ERGIC1: variants seen among roughly 807,000 people sequenced by gnomAD.
The protein encoded by ERGIC1 is endoplasmic reticulum-golgi intermediate compartment 1, also known as endoplasmic reticulum-Golgi intermediate compartment protein 1.
In ERGIC1, 19 loss-of-function variants were observed where a neutral mutation model predicts 38.3. The ratio of observed to expected loss-of-function variants is 0.50; its 90% CI spans 0.35 to 0.73. ERGIC1 has a LOEUF of 0.73. Ranked by LOEUF, ERGIC1 falls within the 30% of genes least tolerant of loss-of-function variation. ERGIC1 has a pLI of 0.01. For missense variants in ERGIC1, 294 were observed against 389.2 expected, an observed-to-expected ratio of 0.76 and a Z score of 2.06; for synonymous variants, 124 against 157.6, an observed-to-expected ratio of 0.79 and a Z score of 1.60.
intron 1 of ERGIC1, among the ~76,000 whole-genome samples, chr5:172,873,532 G>A (rs1323785218): frequency 1.3e-5 from 2 of 152,320 alleles, no homozygotes; most frequent in East Asian, 3.9e-4. Flanking sequence ...CAGTGCCACG[G>A]CCTGCTGTCA....
At chr5:172,903,045 C>T (rs1315753494) in intron 3 of ERGIC1, among the ~76,000 whole-genome samples, 2 of 151,954 alleles carry the variant, frequency 1.3e-5, no homozygotes, top group African/African-American at 4.8e-5. Flanking sequence ...CCCCCACCCT[C>T]CCACGCACTC....
intron 1 of ERGIC1, among the ~76,000 whole-genome samples, chr5:172,858,717 G>C (rs1009670568): frequency 6.6e-5 from 10 of 152,180 alleles, no homozygotes; most frequent in East Asian, 3.9e-4. Context: ...TCATCATCTC[G>C]GCTGACCTTA....
At chr5:172,919,220 G>A (rs1036898349) in intron 5 of ERGIC1, among the ~76,000 whole-genome samples, 1 of 152,178 alleles carries the variant, frequency 6.6e-6, no homozygotes, top group African/African-American at 2.4e-5. Context: ...GGAGAATGAA[G>A]GAGGAGACCC....
Position 172,914,249 on chromosome 5 carries a change from A to ATAAAT in ERGIC1, c.251-465_251-464insTAAAT, listed in dbSNP as rs1386612871. The stretch of plus-strand genomic sequence containing the variant: ...GACTCTGTCTCAAAAAAAAAAAAAA[A>ATAAAT]AAAAAAAATACAAAGACTATCTGAG... On this transcript the variant is annotated intron_variant, in intron 4 of 9. Coordinates refer to ENST00000393784, the MANE Select transcript of ERGIC1 (RefSeq NM_001031711.3). Among the ~76,000 whole-genome samples the ATAAAT allele has an allele frequency of 5.8e-5, 8 of 138,832 alleles. No homozygotes were observed. In the East Asian group the frequency reaches 7.9e-4, roughly 14 times the overall value. The allele number at this position is 138,832 out of a possible 152,430, so 91.1% of individuals were successfully genotyped here.
chr5:172,914,242 A>T (rs1181564126), intron 4 of ERGIC1, among the ~76,000 whole-genome samples: 1 of 68,372 alleles, frequency 1.5e-5, no homozygotes, highest in Non-Finnish European at 3.2e-5. Context: ...CTCAAAAAAA[A>T]AAAAAAAAAA....
intron 3 of ERGIC1, among the ~76,000 whole-genome samples, chr5:172,903,573 G>T (rs1044424349): frequency 6.6e-6 from 1 of 152,130 alleles, no homozygotes; most frequent in African/African-American, 2.4e-5. Context: ...GACGTGAAGG[G>T]AGAATAGTAC....
chr5:172,939,050 G>A (rs1436709227), intron 9 of ERGIC1, among the ~76,000 whole-genome samples: 1 of 151,770 alleles, frequency 6.6e-6, no homozygotes, highest in African/African-American at 2.4e-5. Context: ...GCGATAGAGT[G>A]AGACTCCATC....
In ERGIC1 at chr5:172,891,524, T is replaced by C. The variant is rs566312169; in HGVS notation, c.82+2764T>C. Among the ~76,000 whole-genome samples, 9 of 151,818 alleles carry C rather than the reference T, an allele frequency of 5.9e-5. No individual in the cohort carries two copies. The East Asian group carries it at 1.7e-3, about 29-fold the overall frequency. Reference sequence around the variant, plus strand: ...TGGGATCTCGGTTCACTGCAACTTCTGCCTCCCGGGTTCAAGCAATTCTTG... The same window carrying C: ...TGGGATCTCGGTTCACTGCAACTTCCGCCTCCCGGGTTCAAGCAATTCTTG... On this transcript the variant is annotated intron_variant, in intron 2 of 9. Transcript: ENST00000393784.
chr5:172,885,679 G>T (rs1762399337), intron 1 of ERGIC1, among the ~76,000 whole-genome samples: 1 of 152,062 alleles, frequency 6.6e-6, no homozygotes, highest in African/African-American at 2.4e-5. Flanking sequence ...GTGGAGTGAG[G>T]ACGAGACCCC....
intron 9 of ERGIC1, among the ~76,000 whole-genome samples, chr5:172,946,179 G>A (rs1294692101): frequency 6.6e-6 from 1 of 152,160 alleles, no homozygotes; most frequent in Non-Finnish European, 1.5e-5. Context: ...ACACCTCCCA[G>A]CCCCAGCTTT....
At chr5:172,839,419 C>T (rs911627164) in intron 1 of ERGIC1, among the ~76,000 whole-genome samples, 3 of 151,346 alleles carry the variant, frequency 2.0e-5, no homozygotes, top group African/African-American at 7.3e-5. Flanking sequence ...AAAAAAATGG[C>T]CAGGTGTGGT....
At chr5:172,867,576 G>C (rs949892538) in intron 1 of ERGIC1, 7 of 422,976 alleles carry the variant, frequency 1.7e-5, no homozygotes, top group Admixed American at 1.3e-4. Flanking sequence ...CTCCACCCCC[G>C]AGTCCTAGCC....
chr5:172,950,138 C>T (rs1049965801), intron 9 of ERGIC1, among the ~76,000 whole-genome samples: 2 of 152,234 alleles, frequency 1.3e-5, no homozygotes, highest in Non-Finnish European at 2.9e-5. Flanking sequence ...CTTTGTAGCA[C>T]TTGCCTTGGC....
chr5:172,926,812 G>A lies in ERGIC1; in HGVS notation c.541+243G>A, dbSNP rs1197594218. 1 of 550,312 alleles carries A rather than the reference G, an allele frequency of 1.8e-6. No homozygotes were observed. The highest frequency in any genetic ancestry group is 3.0e-5 in the East Asian group (1 of 33,312). 34.1% of individuals were successfully genotyped at this position (550,312 alleles called of 1,614,324 possible). A position where few individuals can be genotyped will look rare whatever the true frequency, so the allele number is the denominator to read the frequency against. ...GCACAGCAGACGCACGCACGCAGTG[G>A]ATACCAGCTATTACCATTATTGTTG... is the stretch of plus-strand genomic sequence containing the variant. On this transcript the variant is annotated intron_variant, in intron 7 of 9. Transcript: ENST00000393784. This position sits in a 1 kb window ranked among gnomAD's most constrained non-coding sequence, Gnocchi z 5.2.
intron 1 of ERGIC1, among the ~76,000 whole-genome samples, chr5:172,848,689 G>A (rs57860164): frequency 4.6e-5 from 7 of 152,308 alleles, no homozygotes; most frequent in African/African-American, 1.7e-4. Flanking sequence ...ACTGTGGGTG[G>A]TCAGTAAATA....
At chr5:172,935,829 G>A (rs1369483127) in intron 9 of ERGIC1, 1 of 157,694 alleles carries the variant, frequency 6.3e-6, no homozygotes. Flanking sequence ...GCTGATGTTA[G>A]TTTTCCTTTA....
intron 2 of ERGIC1, among the ~76,000 whole-genome samples, chr5:172,893,300 A>G (rs1395705865): frequency 6.6e-6 from 1 of 152,006 alleles, no homozygotes; most frequent in Non-Finnish European, 1.5e-5. Context: ...GGCGCCTGCC[A>G]CCGCACCTGG....
At chr5:172,919,415 G>A (rs1581575140) in intron 5 of ERGIC1, among the ~76,000 whole-genome samples, 1 of 152,172 alleles carries the variant, frequency 6.6e-6, no homozygotes, top group Non-Finnish European at 1.5e-5. Flanking sequence ...AGCACCTGGA[G>A]TGACAACCCA....
chr5:172,908,318 GAGAGA>G lies in ERGIC1; in HGVS notation c.156-1348_156-1344del, dbSNP rs1561729646. Among the ~76,000 whole-genome samples, 9 of 7,326 alleles carry G rather than the reference GAGAGA, an allele frequency of 1.2e-3. 1 individual carries two copies. The highest frequency in any genetic ancestry group is 1.5e-3 in the African/African-American group (2 of 1,340). 4.8% of individuals were successfully genotyped at this position (7,326 alleles called of 152,430 possible). On this transcript the variant is annotated intron_variant, in intron 3 of 9. Transcript: ENST00000393784. ...GCTGAGGCGGGGGCGGGGGGGGGGG[GAGAGA>G]GGGGAGGGGGGGAGGGGGGAGGGGG...
Sources: gnomAD v4.1 joint callset for allele counts (sites outside exome capture counted in the v4.1 genomes callset) on GRCh38, gnomAD v4.1.1 for gene constraint, Gnocchi (gnomAD v3.1) non-coding constraint, MANE v1.5 for transcripts, NCBI Gene and HGNC (gene_info 2026-07-23, HGNC 2026-07-21) for gene names.